The following ATP6V1E2 variants were observed in gnomAD, a reference collection of about 807,000 sequenced individuals.
ATP6V1E2 encodes the protein V-type proton ATPase subunit E 2.
For missense variants in ATP6V1E2, 308 were observed against 273.3 expected (o/e 1.13, Z -0.90); for synonymous variants, 121 against 104.2 (o/e 1.16, Z -0.98).
At chr2:46,515,407 A>T (rs1687667940) in intron 4 of ATP6V1E2, among the ~76,000 whole-genome samples, 1 of 152,228 alleles carries the variant, frequency 6.6e-6, no homozygotes, top group Non-Finnish European at 1.5e-5. Context: ...TTTGCTTGTG[A>T]TTGAAGTTAA....
At chr2:46,539,989 C>G (rs1213981858) in intron 2 of ATP6V1E2, among the ~76,000 whole-genome samples, 1 of 152,192 alleles carries the variant, frequency 6.6e-6, no homozygotes, top group Non-Finnish European at 1.5e-5. Context: ...CTGTGGCTTT[C>G]CAGCTCTTTG....
chr2:46,528,822 G>A (rs561971249), intron 4 of ATP6V1E2, among the ~76,000 whole-genome samples: 2 of 152,380 alleles, frequency 1.3e-5, no homozygotes, highest in Admixed American at 6.5e-5. Context: ...GAGCTGAGAA[G>A]GCCGAATAGT....
rs185033216 is a variant in ATP6V1E2 at position 46,532,578 on chromosome 2, G to A, written c.-102+3235C>T. Among the ~76,000 whole-genome samples, 6 of 152,290 alleles carry A rather than the reference G, an allele frequency of 3.9e-5. No individual in the cohort carries two copies. In the East Asian group the frequency reaches 9.7e-4, roughly 25 times the overall value. ...AGGTGGAAACTTTGGGAGGTAATTT[G>A]GAAGGGGAGAGCCCTCATGGATGGG... On this transcript the variant is annotated intron_variant, in intron 4 of 4. Coordinates refer to ENST00000522587, the MANE Select transcript of ATP6V1E2 (RefSeq NM_001318063.2).
intron 4 of ATP6V1E2, among the ~76,000 whole-genome samples, chr2:46,531,506 A>T (rs1667178018): frequency 6.6e-6 from 1 of 152,190 alleles, no homozygotes; most frequent in South Asian, 2.1e-4. Context: ...ACATGTATTT[A>T]TTTGAGGATG....
chr2:46,514,942 A>G (rs903762697), intron 4 of ATP6V1E2, among the ~76,000 whole-genome samples: 3 of 152,202 alleles, frequency 2.0e-5, no homozygotes, highest in African/African-American at 7.2e-5. Flanking sequence ...TGGATTTCTC[A>G]GTAGATATCT....
At chr2:46,514,931 G>C (rs1008265387) in intron 4 of ATP6V1E2, among the ~76,000 whole-genome samples, 3 of 152,060 alleles carry the variant, frequency 2.0e-5, no homozygotes, top group Non-Finnish European at 4.4e-5. Flanking sequence ...AAGACTAACA[G>C]TGGATTTCTC....
At chr2:46,520,709 G>C (rs773193011) in intron 4 of ATP6V1E2, among the ~76,000 whole-genome samples, 1 of 152,128 alleles carries the variant, frequency 6.6e-6, no homozygotes, top group Non-Finnish European at 1.5e-5. Flanking sequence ...AGCTGGATTC[G>C]GTGTTTGTTT....
intron 3 of ATP6V1E2, among the ~76,000 whole-genome samples, chr2:46,536,347 G>C (rs1667443170): frequency 6.6e-6 from 1 of 152,202 alleles, no homozygotes; most frequent in Admixed American, 6.5e-5. Context: ...TTAAGAAATT[G>C]CTGTGGTGTT....
intron 4 of ATP6V1E2, among the ~76,000 whole-genome samples, chr2:46,525,461 C>CAAAAAAAAAAAAAAAA (rs57428249): frequency 3.5e-5 from 2 of 56,728 alleles, no homozygotes; most frequent in African/African-American, 1.4e-4. Flanking sequence ...GACTCCGTCT[C>CAAAAAAAAAAAAAAAA]AAAAAAAAAA....
chr2:46,521,257 G>A (rs1274313285), intron 4 of ATP6V1E2, among the ~76,000 whole-genome samples: 1 of 152,120 alleles, frequency 6.6e-6, no homozygotes, highest in East Asian at 1.9e-4. Context: ...ATCTCTTCTT[G>A]GGCCCTTGCC....
intron 2 of ATP6V1E2, among the ~76,000 whole-genome samples, chr2:46,540,752 C>T (rs1667712840): frequency 6.6e-6 from 1 of 151,404 alleles, no homozygotes; most frequent in African/African-American, 2.4e-5. Context: ...TTCTGGATAG[C>T]CCCCCTCCCC....
At chr2:46,542,138 A>G (rs1261145280) in intron 1 of ATP6V1E2, 79 bp downstream of exon 1, 4 of 151,794 alleles carry the variant, frequency 2.6e-5, no homozygotes, top group African/African-American at 2.4e-5. Context: ...GGACCACGCA[A>G]TAAGCCAGGG....
intron 4 of ATP6V1E2, among the ~76,000 whole-genome samples, chr2:46,532,232 A>G (rs565338632): frequency 1.3e-5 from 2 of 151,734 alleles, no homozygotes; most frequent in Non-Finnish European, 2.9e-5. Context: ...TTGCTTGTGG[A>G]TATCTAGTTT....
chr2:46,523,548 A>G lies in ATP6V1E2; in HGVS notation c.-101-10736T>C, dbSNP rs149754394. On this transcript the variant is annotated intron_variant, in intron 4 of 4. Coordinates refer to ENST00000522587, the MANE Select transcript of ATP6V1E2 (RefSeq NM_001318063.2). ...TTTTTCGAAGATCAGATGGTTGTAG[A>G]TGTGCGATGTTATTTCTGAGGTCTC... Among the ~76,000 whole-genome samples, 791 of 152,102 alleles carry G rather than the reference A, an allele frequency of 5.2e-3. 6 individuals carry two copies. The highest frequency in any genetic ancestry group is 8.0e-3 in the Non-Finnish European group (544 of 68,006).
At position 46,512,123 on chromosome 2, in the gene ATP6V1E2, C is replaced by T; in HGVS notation, c.589G>A (p.Glu197Lys). Residue 197 changes from glutamate (E) to lysine (K), a missense_variant, in exon 5 of 5, where the codon GAA (glutamate) becomes AAA (lysine). Physicochemically the swap from Glu to Lys is moderately conservative, Grantham distance 56. Transcript: ENST00000522587. ...NQRIKVSNTL[E>K]SRLDLSAKQK... The stretch of plus-strand genomic sequence containing the variant: ...TTGGCTGAGAGATCCAGTCGGCTTT[C>T]CAAGGTATTTGAAACCTTTATTCTC... 2 of 1,614,176 alleles carry T rather than the reference C, an allele frequency of 1.2e-6. No individual in the cohort carries two copies. The highest frequency in any genetic ancestry group is 1.1e-5 in the South Asian group (1 of 91,070).
At position 46,530,121 on chromosome 2, in the gene ATP6V1E2, A is replaced by G. The variant is rs1235802640; in HGVS notation, c.-102+5692T>C. Among the ~76,000 whole-genome samples, 1 of 152,200 alleles carries G rather than the reference A, an allele frequency of 6.6e-6. No homozygotes were observed. The highest frequency in any genetic ancestry group is 1.9e-4 in the East Asian group (1 of 5,204). On this transcript the variant is annotated intron_variant, in intron 4 of 4. Transcript: ENST00000522587. This position sits in a 1 kb window ranked among gnomAD's most constrained non-coding sequence, Gnocchi z 5.2. ...TGAAGGTCTCAGGATCACTCAATTC[A>G]GGCCACAACTGCACATCTCCAGAAT...
At chr2:46,522,021 G>A (rs1177319255) in intron 4 of ATP6V1E2, among the ~76,000 whole-genome samples, 2 of 152,172 alleles carry the variant, frequency 1.3e-5, no homozygotes, top group Non-Finnish European at 2.9e-5. Flanking sequence ...TTGGCTGGGT[G>A]AGGTGGCTTA....
rs375431653 is a variant in ATP6V1E2 at position 46,520,017 on chromosome 2, G to T, written c.-101-7205C>A. 3.9e-5 allele frequency: 6 copies of T among 152,352 alleles called. No individual in the cohort carries two copies. The South Asian group carries it at 8.3e-4, about 21-fold the overall frequency. 9.4% of individuals were successfully genotyped at this position (152,352 alleles called of 1,614,324 possible). On this transcript the variant is annotated intron_variant, in intron 4 of 4. Transcript: ENST00000522587. Reference sequence around the variant, plus strand: ...GGTGACCAGTCATATCCTTTGTGATGGTGGTGGAAGCTCCTGAATCCCAGG... The same window carrying T: ...GGTGACCAGTCATATCCTTTGTGATTGTGGTGGAAGCTCCTGAATCCCAGG...
Position 46,530,745 on chromosome 2 carries a change from C to A in ATP6V1E2, c.-102+5068G>T, listed in dbSNP as rs760955158. ...AGCATGTCTGGGGAGGCCTTACAAT[C>A]ATGGCAGAAAGCAAAGGGGAAGCAA... On this transcript the variant is annotated intron_variant, in intron 4 of 4. Coordinates refer to ENST00000522587, the MANE Select transcript of ATP6V1E2 (RefSeq NM_001318063.2). This position sits in a 1 kb window ranked among gnomAD's most constrained non-coding sequence, Gnocchi z 5.2. Among the ~76,000 whole-genome samples the A allele has an allele frequency of 5.9e-5, 9 of 152,200 alleles. No individual in the cohort carries two copies. The highest frequency in any genetic ancestry group is 1.2e-4 in the Non-Finnish European group (8 of 68,036).
Sources: allele counts gnomAD v4.1 joint callset (sites outside exome capture counted in the v4.1 genomes callset), GRCh38; gene constraint gnomAD v4.1.1; non-coding constraint Gnocchi (gnomAD v3.1); transcripts MANE v1.5; gene names NCBI Gene and HGNC (gene_info 2026-07-23, HGNC 2026-07-21).